The following MLLT1 variants were observed in gnomAD, a reference collection of about 807,000 sequenced individuals.
The protein encoded by MLLT1 is protein ENL.
In MLLT1, 11 loss-of-function variants were observed where a neutral mutation model predicts 55.1. That is an observed-to-expected ratio of 0.20 (90% CI 0.13 to 0.33). MLLT1 has a LOEUF of 0.33. Among genes scored for constraint, MLLT1 ranks in the 10% least tolerant of loss-of-function variants. The pLI, the probability that MLLT1 is intolerant of heterozygous loss-of-function variation, is 1.00. For missense variants in MLLT1, 536 were observed against 760.6 expected (o/e 0.70, Z 3.47); for synonymous variants, 323 against 320.1 (o/e 1.01, Z -0.10).
chr19:6,261,735 C>A (rs1381053459), intron 3 of MLLT1, among the ~76,000 whole-genome samples: 1 of 151,960 alleles, frequency 6.6e-6, no homozygotes, highest in African/African-American at 2.4e-5. Flanking sequence ...CGCCAACATT[C>A]TGGATAGAGA....
intron 10 of MLLT1, 54 bp downstream of exon 10, chr19:6,213,672 T>TCC: frequency 9.3e-7 from 1 of 1,075,344 alleles, no homozygotes. Context: ...TGGCTGCAAC[T>TCC]CCCACCACCC....
chr19:6,258,627 G>A (rs1228120932), intron 3 of MLLT1, among the ~76,000 whole-genome samples: 1 of 152,172 alleles, frequency 6.6e-6, no homozygotes, highest in African/African-American at 2.4e-5. Context: ...ACGTTCTAAT[G>A]CCTAACACTG....
At position 6,222,086 on chromosome 19, in the gene MLLT1, T is replaced by TGCACCTGG. The variant is rs2090903895; in HGVS notation, c.1110+27_1110+34dup. ...GGGAGGCGGGTCCCACCACACTGCC[T>TGCACCTGG]GCACCTGGCTGCCCTGCCCCCAGCA... On this transcript the variant is annotated intron_variant, in intron 6 of 11. Transcript: ENST00000252674. The surrounding 1 kb of genome is among the most constrained non-coding windows in gnomAD (Gnocchi z 4.1). 6.9e-7 allele frequency: 1 copy of TGCACCTGG among 1,454,560 alleles called. No homozygotes were observed. The highest frequency in any genetic ancestry group is 1.5e-5 in the South Asian group (1 of 66,028). The allele number at this position is 1,454,560 out of a possible 1,614,324, so 90.1% of individuals were successfully genotyped here.
chr19:6,268,579 A>G (rs761121430), intron 2 of MLLT1, among the ~76,000 whole-genome samples: 1 of 152,222 alleles, frequency 6.6e-6, no homozygotes. Flanking sequence ...TCAAGTATCA[A>G]TCCAGAGGCT....
chr19:6,242,256 C>T (rs1003304260), intron 3 of MLLT1, among the ~76,000 whole-genome samples: 9 of 152,192 alleles, frequency 5.9e-5, no homozygotes, highest in African/African-American at 1.7e-4. Context: ...GAGGGCACCC[C>T]GGCTTGGTGT....
rs545894730 is a variant in MLLT1 at position 6,270,604 on chromosome 19, G to A, written c.168C>T (p.His56=). ...CGCGTCTGGGCTTGGGGAAGCTGTC[G>A]TGCAGCCAGAAGACCACCTTCTCCA... ...HFVEKVVFWL[H]DSFPKPRRVC... is the part of the protein sequence containing the mutation. Residue 56 remains histidine, a synonymous_variant, in exon 2 of 12, where the codon CAC becomes CAT. Transcript: ENST00000252674. The surrounding 1 kb of genome is among the most constrained non-coding windows in gnomAD (Gnocchi z 7.1). 4.3e-6 allele frequency: 7 copies of A among 1,613,646 alleles called. No individual in the cohort carries two copies. Among genetic ancestry groups the A allele is most frequent in the African/African-American group, 2.7e-5 (2 of 75,056 alleles).
intron 3 of MLLT1, among the ~76,000 whole-genome samples, chr19:6,241,383 G>A (rs1470555044): frequency 6.6e-6 from 1 of 150,752 alleles, no homozygotes; most frequent in Non-Finnish European, 1.5e-5. Context: ...GGAGCCACAG[G>A]GCAGATGCCT....
chr19:6,228,643 C>A (rs186107016), intron 4 of MLLT1, among the ~76,000 whole-genome samples: 1 of 152,234 alleles, frequency 6.6e-6, no homozygotes, highest in Admixed American at 6.5e-5. Flanking sequence ...CCCCTCCTCC[C>A]GGGTCTCCCA....
chr19:6,277,907 C>T (rs945739707), intron 1 of MLLT1, among the ~76,000 whole-genome samples: 4 of 152,324 alleles, frequency 2.6e-5, no homozygotes, highest in South Asian at 4.1e-4. Context: ...CACACCACGC[C>T]GTGGAAATCC....
intron 10 of MLLT1, 93 bp from the exon 11 acceptor site, chr19:6,213,501 G>T: frequency 1.7e-6 from 2 of 1,203,804 alleles, no homozygotes; most frequent in Non-Finnish European, 1.2e-6. Flanking sequence ...GTCCATCCCA[G>T]CACAGGACAG....
At chr19:6,269,948 T>C (rs1000734857) in intron 2 of MLLT1, among the ~76,000 whole-genome samples, 3 of 151,818 alleles carry the variant, frequency 2.0e-5, no homozygotes, top group Admixed American at 6.6e-5. Flanking sequence ...CACCTCACTC[T>C]CCGATTCCCC....
chr19:6,213,693 A>AGCCTCCCCGCCTTGTCGTAGGT (rs2090805080), intron 10 of MLLT1, 33 bp downstream of exon 10: 5 of 759,500 alleles, frequency 6.6e-6, no homozygotes, highest in Non-Finnish European at 1.0e-5. Flanking sequence ...ACCCCTCCGT[A>AGCCTCCCCGCCTTGTCGTAGGT]GCCTCCCCGC....
chr19:6,245,482 G>A (rs932579156), intron 3 of MLLT1, among the ~76,000 whole-genome samples: 12 of 151,500 alleles, frequency 7.9e-5, no homozygotes, highest in African/African-American at 2.9e-4. Flanking sequence ...AGGCCGAGGT[G>A]GGCGGATCAC....
chr19:6,218,085 G>A (rs1283177551), intron 6 of MLLT1, 44 bp from the exon 7 acceptor site: 2 of 1,562,200 alleles, frequency 1.3e-6, no homozygotes, highest in African/African-American at 2.7e-5. Flanking sequence ...GAAAGGGAGA[G>A]CTGTCACCTT....
intron 3 of MLLT1, among the ~76,000 whole-genome samples, chr19:6,239,683 AACACACACACAAACACACCCGTGT>A (rs1420676698): frequency 1.3e-5 from 2 of 151,822 alleles, no homozygotes; most frequent in Non-Finnish European, 2.9e-5. Flanking sequence ...CCTGTGTACA[AACACACACACAAACACACCCGTGT>A]ACACACACAC....
intron 3 of MLLT1, among the ~76,000 whole-genome samples, chr19:6,234,487 A>G (rs1237058981): frequency 6.6e-6 from 1 of 152,220 alleles, no homozygotes; most frequent in Non-Finnish European, 1.5e-5. Flanking sequence ...CCTTTCCTAC[A>G]GAAGTGACAC....
At chr19:6,271,999 C>T (rs1018749911) in intron 1 of MLLT1, among the ~76,000 whole-genome samples, 4 of 152,244 alleles carry the variant, frequency 2.6e-5, no homozygotes, top group African/African-American at 9.6e-5. Context: ...GGCGCCTGGC[C>T]GGCTTCCCTC....
intron 6 of MLLT1, among the ~76,000 whole-genome samples, chr19:6,220,370 G>A (rs919581295): frequency 1.4e-4 from 21 of 152,248 alleles, no homozygotes; most frequent in African/African-American, 4.3e-4. Context: ...CACAGACCTC[G>A]GGGCGCTAAG....
chr19:6,258,927 C>T (rs1471187584), intron 3 of MLLT1, among the ~76,000 whole-genome samples: 3 of 152,188 alleles, frequency 2.0e-5, no homozygotes, highest in Admixed American at 6.5e-5. Flanking sequence ...GGATGAAATG[C>T]CTACTATGTG....
Sources: allele counts gnomAD v4.1 joint callset (sites outside exome capture counted in the v4.1 genomes callset), GRCh38; gene constraint gnomAD v4.1.1; non-coding constraint Gnocchi (gnomAD v3.1); transcripts MANE v1.5; gene names NCBI Gene and HGNC (gene_info 2026-07-23, HGNC 2026-07-21).